The following PRLR variants were observed in gnomAD, a reference collection of about 807,000 sequenced individuals.
The protein encoded by PRLR is hPRL receptor.
Under a neutral mutation model 40.2 loss-of-function variants are expected in PRLR, and 13 were observed. The observed-to-expected ratio is 0.32, with a 90% confidence interval of 0.21 to 0.51. PRLR has a LOEUF of 0.51. Among genes scored for constraint, PRLR ranks in the 20% least tolerant of loss-of-function variants. The pLI, the probability that PRLR is intolerant of heterozygous loss-of-function variation, is 0.97. For missense variants in PRLR, 656 were observed against 747.3 expected (o/e 0.88, Z 1.42); for synonymous variants, 269 against 278.7 (o/e 0.97, Z 0.35).
chr5:35,093,390 A>G (rs746040818), intron 2 of PRLR, among the ~76,000 whole-genome samples: 4 of 152,190 alleles, frequency 2.6e-5, no homozygotes, highest in African/African-American at 7.2e-5. Flanking sequence ...GCAGTCCCCA[A>G]GCCAATCCTG....
chr5:35,224,183 T>C (rs992960008), intron 1 of PRLR, among the ~76,000 whole-genome samples: 6 of 152,196 alleles, frequency 3.9e-5, no homozygotes, highest in African/African-American at 1.2e-4. Flanking sequence ...ATAGGACGCA[T>C]GGAGAAACAT....
intron 2 of PRLR, among the ~76,000 whole-genome samples, chr5:35,105,458 G>A (rs149487133): frequency 1.3e-5 from 2 of 152,144 alleles, no homozygotes; most frequent in African/African-American, 2.4e-5. Flanking sequence ...CAAACCCATC[G>A]CAAAGAAGCT....
At chr5:35,215,764 G>A (rs933799327) in intron 1 of PRLR, among the ~76,000 whole-genome samples, 4 of 151,790 alleles carry the variant, frequency 2.6e-5, no homozygotes, top group African/African-American at 9.7e-5. Flanking sequence ...GGCCGGGCAC[G>A]GTGGCGCATG....
intron 1 of PRLR, among the ~76,000 whole-genome samples, chr5:35,226,372 C>A (rs1776548828): frequency 6.6e-6 from 1 of 152,306 alleles, no homozygotes; most frequent in African/African-American, 2.4e-5. Context: ...GCTCCTTAAC[C>A]TTGATGACTC....
At chr5:35,149,031 T>C (rs1012601204) in intron 1 of PRLR, among the ~76,000 whole-genome samples, 19 of 152,276 alleles carry the variant, frequency 1.2e-4, no homozygotes, top group African/African-American at 3.4e-4. Context: ...TGCAAGAAGA[T>C]GGCCTTGAGA....
chr5:35,081,845 T>A (rs1003974228), intron 5 of PRLR: 3 of 158,944 alleles, frequency 1.9e-5, no homozygotes, highest in African/African-American at 7.2e-5. Context: ...CACCAGGCTG[T>A]CTCCTCTGAC....
At chr5:35,102,367 C>A (rs1771938070) in intron 2 of PRLR, among the ~76,000 whole-genome samples, 1 of 151,960 alleles carries the variant, frequency 6.6e-6, no homozygotes, top group Non-Finnish European at 1.5e-5. Flanking sequence ...TCCCTCGCTC[C>A]ATCCTTTTGC....
At chr5:35,089,998 T>G (rs1013838020) in intron 2 of PRLR, among the ~76,000 whole-genome samples, 1 of 152,220 alleles carries the variant, frequency 6.6e-6, no homozygotes, top group Non-Finnish European at 1.5e-5. Flanking sequence ...ATCATCCATC[T>G]TATGTAACAT....
intron 1 of PRLR, among the ~76,000 whole-genome samples, chr5:35,187,749 G>A (rs928079319): frequency 2.0e-5 from 3 of 152,194 alleles, no homozygotes; most frequent in Admixed American, 2.0e-4. Flanking sequence ...TGGGGCAGCA[G>A]GATCAGAGTA....
chr5:35,104,497 C>T (rs189209248), intron 2 of PRLR, among the ~76,000 whole-genome samples: 194 of 152,230 alleles, frequency 1.3e-3, no homozygotes, highest in African/African-American at 4.5e-3. Context: ...CAGACAGTAC[C>T]TGGAAAATCG....
At chr5:35,174,136 C>T (rs1775079058) in intron 1 of PRLR, among the ~76,000 whole-genome samples, 1 of 150,938 alleles carries the variant, frequency 6.6e-6, no homozygotes. Context: ...GTCACCCAAG[C>T]TAGAATGCAG....
intron 1 of PRLR, among the ~76,000 whole-genome samples, chr5:35,229,567 C>G (rs1412517496): frequency 6.6e-6 from 1 of 152,174 alleles, no homozygotes; most frequent in Non-Finnish European, 1.5e-5. Flanking sequence ...CTTCCCTTCC[C>G]TCCTCCCTTC....
chr5:35,193,929 T>G (rs1193248010), intron 1 of PRLR, among the ~76,000 whole-genome samples: 2 of 152,220 alleles, frequency 1.3e-5, no homozygotes, highest in Non-Finnish European at 2.9e-5. Context: ...TAGATTGGCA[T>G]GCATCTCCTT....
Position 35,086,082 on chromosome 5 carries a change from C to T in PRLR, c.203+126G>A. On this transcript the variant is annotated intron_variant, in intron 4 of 9. Transcript: ENST00000618457. ...GGGCATGGACCTTAGACTCCCCTTT[C>T]CCCGGTGGTATGAACCTTACTGGTG... 3.4e-6 allele frequency: 4 copies of T among 1,182,730 alleles called. No individual in the cohort carries two copies. The South Asian group carries it at 5.8e-5, about 17-fold the overall frequency. The allele number at this position is 1,182,730 out of a possible 1,614,324, so 73.3% of individuals were successfully genotyped here.
At chr5:35,068,188 A>T (rs1769495849) in intron 9 of PRLR, 28 bp downstream of exon 9, 1 of 1,560,764 alleles carries the variant, frequency 6.4e-7, no homozygotes, top group Non-Finnish European at 8.8e-7. Context: ...AGTGAGTCAC[A>T]CTCCATTTTT....
chr5:35,199,881 A>T (rs1357595563), intron 1 of PRLR, among the ~76,000 whole-genome samples: 1 of 152,254 alleles, frequency 6.6e-6, no homozygotes, highest in East Asian at 1.9e-4. Flanking sequence ...GGACTGAGTG[A>T]ATATAAGGAA....
downstream of PRLR, among the ~76,000 whole-genome samples, chr5:35,053,259 T>C (rs1768566962): frequency 6.6e-6 from 1 of 152,212 alleles, no homozygotes; most frequent in Non-Finnish European, 1.5e-5. Flanking sequence ...TGTTAGCTTG[T>C]GGTGATACCG....
chr5:35,220,590 T>C (rs950561089), intron 1 of PRLR, among the ~76,000 whole-genome samples: 9 of 152,190 alleles, frequency 5.9e-5, no homozygotes, highest in African/African-American at 1.9e-4. Context: ...TGTTTCCTCT[T>C]ACTGGAATCT....
Position 35,058,516 on chromosome 5 carries a change from C to T in PRLR, c.*6573G>A, listed in dbSNP as rs1768848510. 1 of 152,142 alleles carries T rather than the reference C, an allele frequency of 6.6e-6. No individual in the cohort carries two copies. Among genetic ancestry groups the T allele is most frequent in the Non-Finnish European group, 1.5e-5 (1 of 68,024 alleles). 9.4% of individuals were successfully genotyped at this position (152,142 alleles called of 1,614,324 possible). On this transcript the variant is annotated 3_prime_UTR_variant, in exon 10 of 10. Transcript: ENST00000618457. ...GATTGTACTTTAAATGTGTAACACC[C>T]CAGAGCAGCTGTACAATGAATGACA...
Sources: allele counts gnomAD v4.1 joint callset (sites outside exome capture counted in the v4.1 genomes callset), GRCh38; gene constraint gnomAD v4.1.1; transcripts MANE v1.5; gene names NCBI Gene and HGNC (gene_info 2026-07-23, HGNC 2026-07-21).